The following JAM3 variants were observed in gnomAD, a reference collection of about 807,000 sequenced individuals.
JAM3 encodes the protein junctional adhesion molecule 3.
A neutral mutation model predicts 39.4 loss-of-function variants in JAM3; 31 were observed. The observed-to-expected ratio is 0.79, with a 90% CI of 0.59 to 1.06. JAM3 has a LOEUF of 1.06. Among genes scored for constraint, JAM3 ranks in the 50% least tolerant of loss-of-function variants. The probability of loss-of-function intolerance (pLI) is 0.00; values close to 1 mark genes in which losing one functional copy is unlikely to be tolerated. For missense variants in JAM3, 455 were observed against 391.4 expected, an observed-to-expected ratio of 1.16 and a Z score of -1.37; for synonymous variants, 182 against 148.7, an observed-to-expected ratio of 1.22 and a Z score of -1.63.
chr11:134,147,391 T>C (rs1943093383), intron 6 of JAM3, among the ~76,000 whole-genome samples: 1 of 138,652 alleles, frequency 7.2e-6, no homozygotes, highest in Admixed American at 7.3e-5. Context: ...GAGGCGGAGC[T>C]TGCAGTGAGC....
rs181683420 is a variant in JAM3 at position 134,118,728 on chromosome 11, T to G, written c.77-21123T>G. Among the ~76,000 whole-genome samples the G allele has an allele frequency of 3.2e-4, 49 of 152,282 alleles. 1 individual carries two copies. The East Asian group carries it at 7.3e-3, about 23-fold the overall frequency. ...GAAAGTGTATATAAGACCCAGCCAT[T>G]CCCTTTCTCTTTTGTCTTTCCTCAT... is the stretch of plus-strand genomic sequence containing the variant. On this transcript the variant is annotated intron_variant, in intron 1 of 8. Coordinates refer to ENST00000299106, the MANE Select transcript of JAM3 (RefSeq NM_032801.5).
intron 1 of JAM3, among the ~76,000 whole-genome samples, chr11:134,092,355 T>C (rs1301347212): frequency 7.2e-6 from 1 of 138,358 alleles, no homozygotes; most frequent in Non-Finnish European, 1.6e-5. Context: ...TTCATCATGT[T>C]CCACCTTAAA....
intron 1 of JAM3, among the ~76,000 whole-genome samples, chr11:134,113,132 A>T (rs1942349210): frequency 6.6e-6 from 1 of 152,008 alleles, no homozygotes; most frequent in Non-Finnish European, 1.5e-5. Context: ...TTACTCAATG[A>T]ATTTCAACAA....
At chr11:134,123,227 T>C (rs1362999130) in intron 1 of JAM3, among the ~76,000 whole-genome samples, 3 of 152,126 alleles carry the variant, frequency 2.0e-5, no homozygotes, top group Non-Finnish European at 4.4e-5. Context: ...ATTTGTTTGT[T>C]TATTTATTTA....
intron 1 of JAM3, among the ~76,000 whole-genome samples, chr11:134,127,315 A>G (rs1207515509): frequency 6.6e-6 from 1 of 152,236 alleles, no homozygotes; most frequent in Non-Finnish European, 1.5e-5. Context: ...AATCATTTTC[A>G]CTTCCTTCCC....
At chr11:134,148,502 C>T in intron 6 of JAM3, 45 bp from the exon 7 acceptor site, 1 of 1,613,800 alleles carries the variant, frequency 6.2e-7, no homozygotes, top group Non-Finnish European at 8.5e-7. Flanking sequence ...TTTTAAATAA[C>T]AGATAGTGTG....
chr11:134,147,049 T>C (rs1943086474), intron 6 of JAM3, among the ~76,000 whole-genome samples: 1 of 152,216 alleles, frequency 6.6e-6, no homozygotes, highest in African/African-American at 2.4e-5. Flanking sequence ...TCTTCTCATG[T>C]GTCACGTTTG....
intron 1 of JAM3, among the ~76,000 whole-genome samples, chr11:134,092,446 T>G (rs1405173881): frequency 9.1e-6 from 1 of 110,036 alleles, no homozygotes; most frequent in African/African-American, 4.0e-5. Context: ...TGAGGGAAGC[T>G]TCTCCTGAAC....
intron 1 of JAM3, among the ~76,000 whole-genome samples, chr11:134,072,465 CCTGA>C (rs1387835240): frequency 6.6e-6 from 1 of 152,100 alleles, no homozygotes; most frequent in East Asian, 1.9e-4. Flanking sequence ...TGCCACCTTG[CCTGA>C]CTAATTTTTT....
intron 1 of JAM3, among the ~76,000 whole-genome samples, chr11:134,129,978 G>T (rs1258700015): frequency 6.6e-6 from 1 of 152,034 alleles, no homozygotes; most frequent in Non-Finnish European, 1.5e-5. Context: ...CTCCAGCCTT[G>T]GTTACAGAGT....
chr11:134,127,950 CCTTT>C (rs748593908), intron 1 of JAM3, among the ~76,000 whole-genome samples: 2 of 152,078 alleles, frequency 1.3e-5, no homozygotes, highest in African/African-American at 2.4e-5. Context: ...GACAGACATG[CCTTT>C]CTTGTTGGGA....
intron 1 of JAM3, among the ~76,000 whole-genome samples, chr11:134,117,283 A>G (rs1312002295): frequency 6.6e-6 from 1 of 152,220 alleles, no homozygotes; most frequent in Admixed American, 6.5e-5. Flanking sequence ...AGGCTGAGGC[A>G]GAAGAATTGC....
At chr11:134,135,279 C>T (rs565629826) in intron 1 of JAM3, among the ~76,000 whole-genome samples, 3 of 152,314 alleles carry the variant, frequency 2.0e-5, no homozygotes, top group Admixed American at 2.0e-4. Context: ...GTTGTCCTTT[C>T]TCCATTAAAT....
intron 1 of JAM3, among the ~76,000 whole-genome samples, chr11:134,070,533 T>C (rs2120551020): frequency 6.6e-6 from 1 of 152,334 alleles, no homozygotes; most frequent in African/African-American, 2.4e-5. Context: ...CTGTATACTT[T>C]GCCTGAAAGT....
At chr11:134,110,428 G>T (rs766362939) in intron 1 of JAM3, among the ~76,000 whole-genome samples, 1 of 152,158 alleles carries the variant, frequency 6.6e-6, no homozygotes, top group Non-Finnish European at 1.5e-5. Context: ...ACATCTGGTG[G>T]TATTTCCATA....
intron 1 of JAM3, among the ~76,000 whole-genome samples, chr11:134,078,837 G>A (rs190644050): frequency 3.3e-5 from 5 of 152,220 alleles, no homozygotes; most frequent in South Asian, 2.1e-4. Context: ...TCGGGAGTTC[G>A]AGACCAGCCT....
intron 1 of JAM3, among the ~76,000 whole-genome samples, chr11:134,128,610 C>T (rs1241903924): frequency 6.6e-6 from 1 of 151,998 alleles, no homozygotes; most frequent in Non-Finnish European, 1.5e-5. Context: ...TGTGGCAGTT[C>T]CCCCCTTATT....
At position 134,148,658 on chromosome 11, in the gene JAM3, A is replaced by G; in HGVS notation, c.824A>G (p.Asn275Ser). The change falls in exon 7 of 9, where the codon AAT becomes AGT. Residue 275 changes from asparagine (N) to serine (S), a missense_variant. Physicochemically the swap from Asn to Ser is conservative, Grantham distance 46 (BLOSUM62 1). Transcript: ENST00000299106. ...CAYRRGYFIN[N>S]KQDGESYKNP... is the part of the protein sequence containing the mutation. ...TACAGACGTGGCTACTTCATCAACA[A>G]TAAACAGGATGGAGAAAGGTGAGCC... 6.2e-7 allele frequency: 1 copy of G among 1,614,164 alleles called. No homozygotes were observed.
intron 1 of JAM3, among the ~76,000 whole-genome samples, chr11:134,106,610 A>G (rs554057258): frequency 2.0e-5 from 3 of 152,382 alleles, no homozygotes; most frequent in Non-Finnish European, 2.9e-5. Flanking sequence ...AAGGGCTAAT[A>G]TCTAGAATCT....
Sources: gnomAD v4.1 joint callset for allele counts (sites outside exome capture counted in the v4.1 genomes callset) on GRCh38, gnomAD v4.1.1 for gene constraint, MANE v1.5 for transcripts, NCBI Gene and HGNC (gene_info 2026-07-23, HGNC 2026-07-21) for gene names.